The following PTPRN2 variants were observed in gnomAD, a reference collection of about 807,000 sequenced individuals.
PTPRN2 encodes protein tyrosine phosphatase receptor type N2.
Under a neutral mutation model 118.8 loss-of-function variants are expected in PTPRN2, and 74 were observed. The ratio of observed to expected loss-of-function variants is 0.62; its 90% CI spans 0.52 to 0.76. The LOEUF (loss-of-function observed/expected upper bound fraction) is 0.76. Among genes scored for constraint, PTPRN2 ranks in the 30% least tolerant of loss-of-function variants. The pLI is 0.00. For synonymous variants in PTPRN2, 641 were observed against 608.0 expected (o/e 1.05, Z -0.80); for missense variants, 1,481 against 1,394.4 (o/e 1.06, Z -0.99).
At chr7:157,679,072 AGTGTGT>A (rs994066182) in intron 13 of PTPRN2, among the ~76,000 whole-genome samples, 1 of 151,770 alleles carries the variant, frequency 6.6e-6, no homozygotes, top group Non-Finnish European at 1.5e-5. Context: ...CATTATCCTT[AGTGTGT>A]GTGTGTGTAC....
chr7:158,143,090 T>C (rs955314887), intron 6 of PTPRN2, among the ~76,000 whole-genome samples: 1 of 152,254 alleles, frequency 6.6e-6, no homozygotes, highest in African/African-American at 2.4e-5. Flanking sequence ...CAGATCTTTT[T>C]CTTTCCCAGC....
At chr7:158,270,902 ACCACCCCCC>A (rs1798395208) in intron 3 of PTPRN2, among the ~76,000 whole-genome samples, 1 of 21,416 alleles carries the variant, frequency 4.7e-5, no homozygotes, top group Non-Finnish European at 8.1e-5. Flanking sequence ...CTCCACCTGG[ACCACCCCCC>A]CCACCTGGAC....
Position 157,845,260 on chromosome 7 carries a change from G to A in PTPRN2, c.1788+53413C>T, listed in dbSNP as rs748276662. ...AGCCAGCTGTAGGAAAAAAATGCAT[G>A]GCAGATACTCGATGGCCTTTCTGTC... On this transcript the variant is annotated intron_variant, in intron 12 of 22. Coordinates refer to ENST00000389418, the MANE Select transcript of PTPRN2 (RefSeq NM_002847.5). The surrounding 1 kb of genome is among the most constrained non-coding windows in gnomAD (Gnocchi z 4.5). 1.3e-5 allele frequency among the ~76,000 whole-genome samples: 2 copies of A among 152,164 alleles called. No homozygotes were observed. Among genetic ancestry groups the A allele is most frequent in the African/African-American group, 2.4e-5 (1 of 41,428 alleles).
intron 1 of PTPRN2, among the ~76,000 whole-genome samples, chr7:158,497,411 A>G (rs185710322): frequency 7.3e-5 from 11 of 151,456 alleles, no homozygotes; most frequent in Admixed American, 6.6e-4. Context: ...GAGGCTTTCA[A>G]TCACAGCCCC....
chr7:157,757,663 C>G (rs1801874018), intron 12 of PTPRN2, among the ~76,000 whole-genome samples: 1 of 148,926 alleles, frequency 6.7e-6, no homozygotes, highest in Non-Finnish European at 1.5e-5. Flanking sequence ...CTGTGGCTCA[C>G]AAGATACAAG....
At chr7:157,938,251 G>A (rs1188504718) in intron 11 of PTPRN2, among the ~76,000 whole-genome samples, 1 of 152,234 alleles carries the variant, frequency 6.6e-6, no homozygotes, top group East Asian at 1.9e-4. Flanking sequence ...CCCACTGGTT[G>A]GAAATTACAT....
At chr7:158,510,604 TTC>T (rs1823109190) in intron 1 of PTPRN2, among the ~76,000 whole-genome samples, 2 of 152,308 alleles carry the variant, frequency 1.3e-5, no homozygotes, top group South Asian at 4.2e-4. Context: ...CCTAACCCTG[TTC>T]TCTTTTATTT....
chr7:158,369,972 A>C (rs930749697), intron 2 of PTPRN2, among the ~76,000 whole-genome samples: 4 of 152,242 alleles, frequency 2.6e-5, no homozygotes, highest in African/African-American at 9.6e-5. Context: ...CAGGAGGCCC[A>C]GTCAGAAACA....
At chr7:158,291,914 G>T (rs1195204762) in intron 3 of PTPRN2, among the ~76,000 whole-genome samples, 1 of 152,146 alleles carries the variant, frequency 6.6e-6, no homozygotes, top group East Asian at 1.9e-4. Flanking sequence ...CAAAACAAGA[G>T]GCCCAGACAT....
chr7:158,411,213 G>A (rs73731221), intron 2 of PTPRN2, among the ~76,000 whole-genome samples: 122 of 152,302 alleles, frequency 8.0e-4, no homozygotes, highest in African/African-American at 2.9e-3. Context: ...ACGCAGCTCC[G>A]TTTCTGCCTC....
chr7:158,448,677 A>G (rs569272478), intron 2 of PTPRN2, among the ~76,000 whole-genome samples: 1 of 152,308 alleles, frequency 6.6e-6, no homozygotes, highest in South Asian at 2.1e-4. Flanking sequence ...CTGAACTGAC[A>G]AGTGTTCCCC....
chr7:158,320,146 C>T (rs1418647576), intron 2 of PTPRN2, among the ~76,000 whole-genome samples: 2 of 91,008 alleles, frequency 2.2e-5, no homozygotes, highest in African/African-American at 7.6e-5. Flanking sequence ...CACAGCCTCC[C>T]TTGTACACAC....
chr7:157,770,233 C>A (rs562129301), intron 12 of PTPRN2, among the ~76,000 whole-genome samples: 1 of 152,360 alleles, frequency 6.6e-6, no homozygotes, highest in South Asian at 2.1e-4. Context: ...AGCTTCAGAG[C>A]AGAGTTTATG....
At chr7:157,566,234 C>T (rs375322726) in intron 21 of PTPRN2, among the ~76,000 whole-genome samples, 4 of 152,260 alleles carry the variant, frequency 2.6e-5, no homozygotes, top group African/African-American at 9.6e-5. Flanking sequence ...TTGGGAAGGG[C>T]ATTCTCTGGT....
At chr7:157,814,657 C>T (rs1212219928) in intron 12 of PTPRN2, among the ~76,000 whole-genome samples, 3 of 152,216 alleles carry the variant, frequency 2.0e-5, no homozygotes, top group East Asian at 1.9e-4. Flanking sequence ...CCAAAATGTA[C>T]GATTCACCAT....
At chr7:157,592,615 G>A (rs147207990) in intron 17 of PTPRN2, among the ~76,000 whole-genome samples, 229 of 149,436 alleles carry the variant, frequency 1.5e-3, no homozygotes, top group Non-Finnish European at 2.6e-3. Context: ...CATCGTGGTC[G>A]TTGAGCATGG....
At chr7:158,148,615 T>A (rs375966983) in intron 6 of PTPRN2, among the ~76,000 whole-genome samples, 9 of 64,412 alleles carry the variant, frequency 1.4e-4, no homozygotes, top group East Asian at 5.8e-4. Flanking sequence ...GCCACGTGTC[T>A]TTCCCCCTCA....
intron 11 of PTPRN2, among the ~76,000 whole-genome samples, chr7:157,991,700 G>T (rs1335549871): frequency 6.6e-6 from 1 of 152,200 alleles, no homozygotes; most frequent in South Asian, 2.1e-4. Flanking sequence ...AGCTGCACGG[G>T]GCTGTTCTCA....
At chr7:157,572,889 G>A (rs997313930) in intron 19 of PTPRN2, among the ~76,000 whole-genome samples, 2 of 152,260 alleles carry the variant, frequency 1.3e-5, no homozygotes, top group Non-Finnish European at 2.9e-5. Context: ...CACCGTTTCT[G>A]TTAGAGGTGT....
Sources: allele counts gnomAD v4.1 joint callset (sites outside exome capture counted in the v4.1 genomes callset), GRCh38; gene constraint gnomAD v4.1.1; non-coding constraint Gnocchi (gnomAD v3.1); transcripts MANE v1.5; gene names NCBI Gene and HGNC (gene_info 2026-07-23, HGNC 2026-07-21).